CCDC73: variants seen among roughly 807,000 people sequenced by gnomAD.
The protein encoded by CCDC73 is coiled-coil domain-containing protein 73.
In CCDC73, 95 loss-of-function variants were observed where a neutral mutation model predicts 116.5. The observed-to-expected ratio is 0.82, with a 90% CI of 0.69 to 0.97. CCDC73 has a LOEUF of 0.97. Ranked by LOEUF, CCDC73 falls within the 50% of genes least tolerant of loss-of-function variation. CCDC73 has a pLI of 0.00. For synonymous variants in CCDC73, 398 were observed against 401.3 expected, an observed-to-expected ratio of 0.99 and a Z score of 0.10; for missense variants, 1,066 against 1,206.8, an observed-to-expected ratio of 0.88 and a Z score of 1.73.
chr11:32,680,506 A>G (rs1471497382), intron 7 of CCDC73: 1 of 152,176 alleles, frequency 6.6e-6, no homozygotes, highest in Admixed American at 6.5e-5. Context: ...AGTCAAGATT[A>G]GCGGAAAAAT....
At chr11:32,746,033 C>T (rs1335410765) in intron 2 of CCDC73, among the ~76,000 whole-genome samples, 2 of 152,162 alleles carry the variant, frequency 1.3e-5, no homozygotes, top group East Asian at 1.9e-4. Flanking sequence ...ATGGTCTTTA[C>T]AATTTGGCAT....
intron 6 of CCDC73, among the ~76,000 whole-genome samples, chr11:32,697,121 C>A (rs1444208569): frequency 6.6e-6 from 1 of 152,088 alleles, no homozygotes; most frequent in Non-Finnish European, 1.5e-5. Flanking sequence ...AAGCGTGAGC[C>A]ACCACACCTA....
chr11:32,798,788 T>G (rs1850747765), upstream of CCDC73, among the ~76,000 whole-genome samples: 1 of 152,222 alleles, frequency 6.6e-6, no homozygotes, highest in Non-Finnish European at 1.5e-5. Context: ...CCCTTTTTTC[T>G]GTCCCCATTT....
chr11:32,636,956 C>T (rs1285065395), intron 13 of CCDC73, among the ~76,000 whole-genome samples: 1 of 151,560 alleles, frequency 6.6e-6, no homozygotes, highest in East Asian at 1.9e-4. Context: ...ATGCTTTACA[C>T]ACATTCCTAA....
At chr11:32,750,185 T>A (rs796100268) in intron 2 of CCDC73, among the ~76,000 whole-genome samples, 3 of 152,308 alleles carry the variant, frequency 2.0e-5, no homozygotes, top group African/African-American at 7.2e-5. Context: ...TCTCACTTTC[T>A]ACCAAATAAA....
intron 7 of CCDC73, among the ~76,000 whole-genome samples, chr11:32,678,892 A>AT (rs1314763946): frequency 9.5e-5 from 14 of 147,412 alleles, no homozygotes; most frequent in South Asian, 4.3e-4. Flanking sequence ...CAAAAAAAAA[A>AT]AAAAAATATA....
intron 6 of CCDC73, among the ~76,000 whole-genome samples, chr11:32,694,205 AC>A (rs1856288628): frequency 1.3e-5 from 2 of 152,344 alleles, no homozygotes; most frequent in Admixed American, 1.3e-4. Context: ...CTGATAAGCA[AC>A]TTCAGCAAAG....
chr11:32,681,523 G>A (rs1204271231), intron 7 of CCDC73: 2 of 151,976 alleles, frequency 1.3e-5, no homozygotes, highest in African/African-American at 4.8e-5. Context: ...AAGAAAATCA[G>A]CTTACTGAAT....
chr11:32,827,216 A>T, the CCDC73 span, among the ~76,000 whole-genome samples: 2 of 152,186 alleles, frequency 1.3e-5, no homozygotes, highest in Admixed American at 6.5e-5. Context: ...TTAATACAGC[A>T]AGGAAATAAT....
At chr11:32,646,850 T>C (rs1855783191) in intron 12 of CCDC73, among the ~76,000 whole-genome samples, 1 of 152,170 alleles carries the variant, frequency 6.6e-6, no homozygotes, top group South Asian at 2.1e-4. Context: ...TTTCCATCTT[T>C]TTGTCTTTTG....
chr11:32,762,056 T>C (rs1418769235), intron 1 of CCDC73, among the ~76,000 whole-genome samples: 1 of 152,194 alleles, frequency 6.6e-6, no homozygotes, highest in Non-Finnish European at 1.5e-5. Context: ...AGCCATAAAA[T>C]ACCTTCACAA....
At chr11:32,747,306 G>A (rs566554562) in intron 2 of CCDC73, among the ~76,000 whole-genome samples, 7 of 152,182 alleles carry the variant, frequency 4.6e-5, no homozygotes, top group Admixed American at 6.5e-5. Flanking sequence ...TGGAAGCTTC[G>A]TCCCAGAGGG....
intron 17 of CCDC73, among the ~76,000 whole-genome samples, chr11:32,607,079 AATTTTTTTTTTTT>A (rs1855361782): frequency 3.4e-5 from 4 of 119,204 alleles, no homozygotes; most frequent in African/African-American, 1.4e-4. Flanking sequence ...GCCAAAAATA[AATTTTTTTTTTTT>A]TTTTTTTTTT....
intron 1 of CCDC73, among the ~76,000 whole-genome samples, chr11:32,760,484 C>T (rs1850382754): frequency 1.3e-5 from 2 of 152,154 alleles, no homozygotes; most frequent in African/African-American, 4.8e-5. Context: ...GCTGAGTACC[C>T]TCAAAGGCTA....
At chr11:32,729,979 A>G (rs1484553092) in intron 2 of CCDC73, among the ~76,000 whole-genome samples, 1 of 152,234 alleles carries the variant, frequency 6.6e-6, no homozygotes, top group Non-Finnish European at 1.5e-5. Context: ...TCCAGTCAAA[A>G]TGCCATTTTC....
chr11:32,698,832 C>T (rs1180703287), intron 6 of CCDC73, among the ~76,000 whole-genome samples: 2 of 152,050 alleles, frequency 1.3e-5, no homozygotes, highest in African/African-American at 2.4e-5. Context: ...TAAGAGACTA[C>T]GAACAACTTA....
the CCDC73 span, chr11:32,830,021 C>T: frequency 1.0e-6 from 1 of 985,872 alleles, no homozygotes; most frequent in Non-Finnish European, 1.2e-6. Flanking sequence ...CCCAGGTTTG[C>T]GCGCGGGGGC....
At chr11:32,617,462 T>C (rs574422114) in intron 14 of CCDC73, among the ~76,000 whole-genome samples, 13 of 152,294 alleles carry the variant, frequency 8.5e-5, no homozygotes, top group Middle Eastern at 3.4e-3. Context: ...ACCAAACTAA[T>C]TTCCATGAAC....
At chr11:32,745,746 T>TTTTAG (rs1850231466) in intron 2 of CCDC73, among the ~76,000 whole-genome samples, 1 of 6,282 alleles carries the variant, frequency 1.6e-4, no homozygotes, top group South Asian at 2.9e-3. Flanking sequence ...TTTGTTTTGG[T>TTTTAG]TTTTTTTTTT....
Sources: gnomAD v4.1 joint callset for allele counts (sites outside exome capture counted in the v4.1 genomes callset) on GRCh38, gnomAD v4.1.1 for gene constraint, MANE v1.5 for transcripts, NCBI Gene and HGNC (gene_info 2026-07-23, HGNC 2026-07-21) for gene names.